IMMP2L: variants seen among roughly 807,000 people sequenced by gnomAD.
The protein encoded by IMMP2L is mitochondrial inner membrane protease subunit 2.
A neutral mutation model predicts 19.3 loss-of-function variants in IMMP2L; 18 were observed. The ratio of observed to expected loss-of-function variants is 0.93; its 90% confidence interval spans 0.64 to 1.38. IMMP2L has a LOEUF of 1.38. Among genes scored for constraint, IMMP2L ranks in the 40% most tolerant of loss-of-function variants. The probability of loss-of-function intolerance (pLI) is 0.00; values close to 1 mark genes in which losing one functional copy is unlikely to be tolerated. For synonymous variants in IMMP2L, 76 were observed against 73.0 expected, an observed-to-expected ratio of 1.04 and a Z score of -0.21; for missense variants, 233 against 218.2, an observed-to-expected ratio of 1.07 and a Z score of -0.43.
chr7:110,889,364 G>C (rs1047531463), intron 4 of IMMP2L, among the ~76,000 whole-genome samples: 2 of 152,142 alleles, frequency 1.3e-5, no homozygotes, highest in Non-Finnish European at 2.9e-5. Context: ...GTTCCCTCTG[G>C]GGGTGATGGG....
intron 3 of IMMP2L, among the ~76,000 whole-genome samples, chr7:111,255,756 T>C (rs1007943374): frequency 1.3e-5 from 2 of 152,204 alleles, no homozygotes; most frequent in African/African-American, 4.8e-5. Context: ...TCTCATGCTT[T>C]AGTTAACACA....
chr7:111,473,484 T>C (rs1841449920), intron 3 of IMMP2L, among the ~76,000 whole-genome samples: 1 of 152,188 alleles, frequency 6.6e-6, no homozygotes, highest in Non-Finnish European at 1.5e-5. Context: ...CTTTTTGGCT[T>C]ACTATATAGC....
At chr7:111,120,858 G>A (rs1267974790) in intron 3 of IMMP2L, among the ~76,000 whole-genome samples, 1 of 151,626 alleles carries the variant, frequency 6.6e-6, no homozygotes, top group African/African-American at 2.4e-5. Context: ...GGAACCTGTT[G>A]AATCGCAATC....
intron 3 of IMMP2L, among the ~76,000 whole-genome samples, chr7:111,144,973 G>A (rs1048355379): frequency 1.3e-5 from 2 of 152,110 alleles, no homozygotes; most frequent in Admixed American, 1.3e-4. Flanking sequence ...GGATTTCTCT[G>A]AGAAGATATT....
chr7:111,026,819 G>GATT (rs1665712782), intron 3 of IMMP2L, among the ~76,000 whole-genome samples: 1 of 152,100 alleles, frequency 6.6e-6, no homozygotes, highest in African/African-American at 2.4e-5. Context: ...GGGAAGAAAG[G>GATT]ATTAAGTAGT....
At chr7:110,700,867 A>G (rs1794236540) in intron 5 of IMMP2L, among the ~76,000 whole-genome samples, 1 of 152,240 alleles carries the variant, frequency 6.6e-6, no homozygotes, top group African/African-American at 2.4e-5. Flanking sequence ...CTGATATAGT[A>G]TGTATAATTT....
At chr7:111,063,181 C>T (rs1794178579) in intron 3 of IMMP2L, among the ~76,000 whole-genome samples, 1 of 152,212 alleles carries the variant, frequency 6.6e-6, no homozygotes. Context: ...GGTTGCCAAA[C>T]CTCAATTCTT....
chr7:111,184,943 T>C (rs1353442009), intron 3 of IMMP2L, among the ~76,000 whole-genome samples: 1 of 152,156 alleles, frequency 6.6e-6, no homozygotes, highest in East Asian at 1.9e-4. Context: ...ATCCAATAAA[T>C]ATCCTGCTAA....
chr7:111,314,604 A>C (rs1823859002), intron 3 of IMMP2L, among the ~76,000 whole-genome samples: 1 of 152,164 alleles, frequency 6.6e-6, no homozygotes, highest in Non-Finnish European at 1.5e-5. Context: ...GTAATGCAAT[A>C]ACTACTGAAG....
intron 3 of IMMP2L, among the ~76,000 whole-genome samples, chr7:111,378,954 C>T (rs1049320977): frequency 2.0e-5 from 3 of 151,670 alleles, no homozygotes; most frequent in African/African-American, 7.3e-5. Flanking sequence ...CATAAGAATA[C>T]AAGATAATTT....
At chr7:111,285,944 T>G (rs192616629) in intron 3 of IMMP2L, among the ~76,000 whole-genome samples, 6 of 152,300 alleles carry the variant, frequency 3.9e-5, no homozygotes, top group Middle Eastern at 3.4e-3. Flanking sequence ...GTAGGGGGGT[T>G]ATGTATGAAA....
chr7:111,133,147 T>C (rs1413120962), intron 3 of IMMP2L, among the ~76,000 whole-genome samples: 1 of 151,960 alleles, frequency 6.6e-6, no homozygotes, highest in African/African-American at 2.4e-5. Context: ...ATCTACTGTG[T>C]ACCAGACAAA....
chr7:110,901,342 G>GT (rs1298727190), intron 4 of IMMP2L, among the ~76,000 whole-genome samples: 1 of 152,098 alleles, frequency 6.6e-6, no homozygotes. Context: ...CATTGAATGA[G>GT]TATGGATTCT....
intron 3 of IMMP2L, among the ~76,000 whole-genome samples, chr7:111,315,122 T>C (rs1248913005): frequency 6.6e-6 from 1 of 152,146 alleles, no homozygotes; most frequent in Non-Finnish European, 1.5e-5. Context: ...TTAAAACATA[T>C]CATAAGGCAA....
chr7:111,122,499 A>G (rs977341346), intron 3 of IMMP2L: 4 of 350,184 alleles, frequency 1.1e-5, no homozygotes, highest in Non-Finnish European at 2.1e-5. Flanking sequence ...TCAATCTCCT[A>G]TGACCATCTA....
chr7:111,260,367 CATT>C (rs1046554695), intron 3 of IMMP2L, among the ~76,000 whole-genome samples: 42 of 152,134 alleles, frequency 2.8e-4, no homozygotes, highest in African/African-American at 9.9e-4. Context: ...ACATGCAGCT[CATT>C]GTTAACTGAA....
intron 3 of IMMP2L, among the ~76,000 whole-genome samples, chr7:111,242,451 C>A (rs1815202920): frequency 6.6e-6 from 1 of 152,066 alleles, no homozygotes; most frequent in Admixed American, 6.6e-5. Flanking sequence ...AGAACTACAT[C>A]ACAACACTTC....
chr7:111,327,951 G>C (rs1334330169), intron 3 of IMMP2L, among the ~76,000 whole-genome samples: 2 of 151,596 alleles, frequency 1.3e-5, no homozygotes, highest in Admixed American at 6.6e-5. Context: ...ACGTATAGTA[G>C]ATATATAATA....
intron 5 of IMMP2L, among the ~76,000 whole-genome samples, chr7:110,882,987 T>C (rs891520910): frequency 6.6e-6 from 1 of 152,110 alleles, no homozygotes. Context: ...TGCTCAAAAA[T>C]GTGTCTTGAA....
Sources: gnomAD v4.1 joint callset for allele counts (sites outside exome capture counted in the v4.1 genomes callset) on GRCh38, gnomAD v4.1.1 for gene constraint, MANE v1.5 for transcripts, NCBI Gene and HGNC (gene_info 2026-07-23, HGNC 2026-07-21) for gene names.